DNAH6: variants seen among roughly 807,000 people sequenced by gnomAD.
The protein encoded by DNAH6 is dynein axonemal heavy chain 6, also known as axonemal beta dynein heavy chain 6.
DNAH6 carries 340 observed loss-of-function variants against 491.4 expected under a neutral mutation model. The ratio of observed to expected loss-of-function variants is 0.69; its 90% CI spans 0.63 to 0.76. DNAH6 has a LOEUF of 0.76. Among genes scored for constraint, DNAH6 ranks in the 30% least tolerant of loss-of-function variants. DNAH6 has a pLI of 0.00. For missense variants in DNAH6, 4,443 were observed against 4,972.2 expected, an observed-to-expected ratio of 0.89 and a Z score of 3.20; for synonymous variants, 1,603 against 1,686.1, an observed-to-expected ratio of 0.95 and a Z score of 1.21.
At chr2:84,783,861 A>G (rs914196628) in intron 65 of DNAH6, among the ~76,000 whole-genome samples, 1 of 152,204 alleles carries the variant, frequency 6.6e-6, no homozygotes, top group African/African-American at 2.4e-5. Flanking sequence ...AAGGAGGACC[A>G]GAAAGATTGA....
At chr2:84,566,983 G>A (rs925987282) in intron 11 of DNAH6, among the ~76,000 whole-genome samples, 1 of 151,786 alleles carries the variant, frequency 6.6e-6, no homozygotes, top group African/African-American at 2.4e-5. Flanking sequence ...ATATAAATTA[G>A]GGATCTAAAA....
At chr2:84,678,688 T>C (rs138897167) in intron 41 of DNAH6, among the ~76,000 whole-genome samples, 1,805 of 152,206 alleles carry the variant, frequency 0.012, 17 homozygotes, top group Non-Finnish European at 0.021. Context: ...TCCATGGAAA[T>C]GTGTCACCCA....
chr2:84,816,600 G>A (rs1680511078), intron 76 of DNAH6, among the ~76,000 whole-genome samples: 2 of 152,180 alleles, frequency 1.3e-5, no homozygotes, highest in African/African-American at 2.4e-5. Context: ...GCGGGTGCCA[G>A]TATTCCCAAC....
chr2:84,550,031 G>GA lies in DNAH6; in HGVS notation c.1460dup (p.Lys488GlufsTer3). ...TGTCATTCAGAAATGGATTACTGAA[G>GA]AGAAGCCTGAAGTCCCTGATAAAAA... On this transcript the variant is annotated frameshift_variant, in exon 9 of 77. Transcript: ENST00000389394. LOFTEE classifies it high-confidence loss of function. The GA allele has an allele frequency of 6.2e-7, 1 of 1,613,408 alleles. No homozygotes were observed. Among genetic ancestry groups the GA allele is most frequent in the Non-Finnish European group, 8.5e-7 (1 of 1,179,820 alleles).
chr2:84,515,606 G>A (rs1336987606), upstream of DNAH6, among the ~76,000 whole-genome samples: 2 of 152,144 alleles, frequency 1.3e-5, no homozygotes, highest in South Asian at 2.1e-4. Flanking sequence ...AAGAGCAACC[G>A]AAAAGAGCAA....
intron 68 of DNAH6, among the ~76,000 whole-genome samples, chr2:84,791,959 C>T (rs1677795825): frequency 6.6e-6 from 1 of 151,786 alleles, no homozygotes; most frequent in African/African-American, 2.4e-5. Flanking sequence ...TCGTAGTAGC[C>T]AAAATATGGA....
intron 5 of DNAH6, among the ~76,000 whole-genome samples, chr2:84,546,072 T>C (rs1187296695): frequency 2.6e-5 from 4 of 152,172 alleles, no homozygotes; most frequent in Non-Finnish European, 5.9e-5. Flanking sequence ...TCTCTATTTC[T>C]TTCTGACCTA....
At chr2:84,651,542 T>C (rs1649393515) in intron 33 of DNAH6, among the ~76,000 whole-genome samples, 1 of 151,988 alleles carries the variant, frequency 6.6e-6, no homozygotes, top group South Asian at 2.1e-4. Flanking sequence ...GCTGCCCCTT[T>C]CCTGGGCTGC....
chr2:84,528,665 A>G (rs1222351937), intron 3 of DNAH6, among the ~76,000 whole-genome samples: 1 of 152,146 alleles, frequency 6.6e-6, no homozygotes, highest in African/African-American at 2.4e-5. Flanking sequence ...GGAGAAGGCA[A>G]TGGAAGCTGA....
chr2:84,739,825 C>T (rs1672342511), intron 62 of DNAH6, among the ~76,000 whole-genome samples: 1 of 152,048 alleles, frequency 6.6e-6, no homozygotes, highest in Non-Finnish European at 1.5e-5. Context: ...TCAACTTTCT[C>T]CTGGATCTCA....
intron 47 of DNAH6, 66 bp downstream of exon 47, chr2:84,697,793 A>G: frequency 6.6e-7 from 1 of 1,518,394 alleles, no homozygotes; most frequent in South Asian, 1.2e-5. Context: ...TTATTTAACC[A>G]TTCATTGATT....
At chr2:84,796,770 G>A (rs543264985) in intron 69 of DNAH6, among the ~76,000 whole-genome samples, 10 of 152,124 alleles carry the variant, frequency 6.6e-5, no homozygotes, top group Non-Finnish European at 1.2e-4. Context: ...GCTGAGGTAG[G>A]AGAATCACTT....
At chr2:84,463,211 C>T in the DNAH6 span, among the ~76,000 whole-genome samples, 2 of 152,160 alleles carry the variant, frequency 1.3e-5, no homozygotes, top group African/African-American at 4.8e-5. Context: ...ACTGCAGGAA[C>T]ATACAGCAAG....
intron 63 of DNAH6, among the ~76,000 whole-genome samples, chr2:84,745,470 C>T (rs937275049): frequency 2.0e-5 from 3 of 152,154 alleles, no homozygotes; most frequent in Admixed American, 6.5e-5. Context: ...TCGCGACCAT[C>T]GTGGCTAACA....
chr2:84,683,371 C>G (rs1234763156), intron 42 of DNAH6, among the ~76,000 whole-genome samples: 1 of 149,724 alleles, frequency 6.7e-6, no homozygotes, highest in Non-Finnish European at 1.5e-5. Flanking sequence ...TGCTTCGTTC[C>G]CTGACTCCCC....
chr2:84,605,010 T>G (rs1685613335), intron 19 of DNAH6, among the ~76,000 whole-genome samples: 1 of 152,106 alleles, frequency 6.6e-6, no homozygotes, highest in Non-Finnish European at 1.5e-5. Context: ...TCAAATAAAA[T>G]TAAGCAAATT....
intron 64 of DNAH6, among the ~76,000 whole-genome samples, chr2:84,770,283 A>G (rs2105171571): frequency 6.6e-6 from 1 of 152,314 alleles, no homozygotes. Context: ...AATATTCTAA[A>G]TGTCTGCTTT....
intron 46 of DNAH6, among the ~76,000 whole-genome samples, chr2:84,697,192 C>A (rs1695472985): frequency 6.6e-6 from 1 of 152,178 alleles, no homozygotes; most frequent in Non-Finnish European, 1.5e-5. Context: ...AGACTGTAAA[C>A]TATCTCTGTC....
rs376523937 is a variant in DNAH6 at position 84,797,645 on chromosome 2, A to G, written c.11468A>G (p.Asn3823Ser). 9.7e-6 allele frequency: 15 copies of G among 1,551,170 alleles called. No homozygotes were observed. Among genetic ancestry groups the G allele is most frequent in the African/African-American group, 2.7e-5 (2 of 73,062 alleles). ...PEIFGMHENA[N>S]LVFQYKETST... ...ATTTTTGGAATGCATGAAAATGCTA[A>G]TCTAGTCTTCCAGGTATGTGGCCTT... is the stretch of plus-strand genomic sequence containing the variant. The change falls in exon 70 of 77, where the codon AAT becomes AGT. Residue 3823 changes from asparagine to serine, a missense_variant. Physicochemically the swap from Asn to Ser is conservative, Grantham distance 46. This residue lies in a region of DNAH6 where 1,463 missense variants were observed against 1,656.6 expected (regional missense o/e 0.88). Coordinates refer to ENST00000389394, the MANE Select transcript of DNAH6 (RefSeq NM_001370.2).
Sources: gnomAD v4.1 joint callset for allele counts (sites outside exome capture counted in the v4.1 genomes callset) on GRCh38, gnomAD v4.1.1 for gene constraint, gnomAD v4.1.1 regional missense constraint, MANE v1.5 for transcripts, NCBI Gene and HGNC (gene_info 2026-07-23, HGNC 2026-07-21) for gene names.